Variants in GHR observed in about 807,000 individuals in gnomAD.
GHR encodes GH receptor.
A neutral mutation model predicts 67.1 loss-of-function variants in GHR; 35 were observed. The observed-to-expected ratio is 0.52, with a 90% CI of 0.40 to 0.69. The LOEUF is 0.69. GHR is among the 30% of genes least tolerant of loss of function. The pLI, the probability that GHR is intolerant of heterozygous loss-of-function variation, is 0.00. For synonymous variants in GHR, 272 were observed against 269.1 expected, an observed-to-expected ratio of 1.01 and a Z score of -0.10; for missense variants, 792 against 764.6, an observed-to-expected ratio of 1.04 and a Z score of -0.42.
chr5:42,506,651 A>G (rs1034459271), intron 1 of GHR, among the ~76,000 whole-genome samples: 11 of 152,216 alleles, frequency 7.2e-5, no homozygotes, highest in African/African-American at 2.7e-4. Context: ...TACCCAGTAC[A>G]TGAAAATATA....
At chr5:42,429,866 A>C (rs185907527) in intron 1 of GHR, among the ~76,000 whole-genome samples, 8 of 152,210 alleles carry the variant, frequency 5.3e-5, no homozygotes, top group African/African-American at 1.9e-4. Context: ...CATGAACATG[A>C]GTCAGTACTA....
At chr5:42,668,567 G>A (rs1046329447) in intron 3 of GHR, among the ~76,000 whole-genome samples, 12 of 151,926 alleles carry the variant, frequency 7.9e-5, no homozygotes, top group African/African-American at 1.7e-4. Context: ...CTGTCTTACC[G>A]CACTAATATA....
At chr5:42,622,683 A>T (rs77918486) in intron 2 of GHR, among the ~76,000 whole-genome samples, 1 of 152,120 alleles carries the variant, frequency 6.6e-6, no homozygotes, top group Admixed American at 6.6e-5. Context: ...TTGTGTTTGC[A>T]CTGTCTATTC....
chr5:42,460,708 G>T (rs1321731677), intron 1 of GHR, among the ~76,000 whole-genome samples: 20 of 152,156 alleles, frequency 1.3e-4, no homozygotes, highest in Non-Finnish European at 1.5e-5. Context: ...AGCAAAAAAA[G>T]AGTGTTTCCT....
intron 2 of GHR, among the ~76,000 whole-genome samples, chr5:42,578,208 A>G (rs554985309): frequency 1.8e-4 from 28 of 152,164 alleles, no homozygotes; most frequent in Middle Eastern, 3.2e-3. Flanking sequence ...AGACATTGCT[A>G]AGTGTTCTCT....
At chr5:42,516,363 G>C (rs1354087209) in intron 1 of GHR, among the ~76,000 whole-genome samples, 1 of 152,170 alleles carries the variant, frequency 6.6e-6, no homozygotes, top group Non-Finnish European at 1.5e-5. Flanking sequence ...TAAGCCAAAA[G>C]TCACATTAGA....
intron 3 of GHR, among the ~76,000 whole-genome samples, chr5:42,654,907 A>G (rs1755179984): frequency 6.6e-6 from 1 of 152,152 alleles, no homozygotes; most frequent in African/African-American, 2.4e-5. Context: ...GCAAGGCTCT[A>G]TAAGAAAAAG....
intron 3 of GHR, among the ~76,000 whole-genome samples, chr5:42,649,561 C>T (rs1251632292): frequency 6.6e-6 from 1 of 152,114 alleles, no homozygotes; most frequent in African/African-American, 2.4e-5. Context: ...CAGAATTAGA[C>T]ATAAAGCCAC....
At chr5:42,478,120 G>T (rs1745428885) in intron 1 of GHR, among the ~76,000 whole-genome samples, 1 of 152,144 alleles carries the variant, frequency 6.6e-6, no homozygotes, top group South Asian at 2.1e-4. Flanking sequence ...AGTATTCCCA[G>T]CACCATTTAT....
At chr5:42,471,532 G>C (rs1296725675) in intron 1 of GHR, among the ~76,000 whole-genome samples, 1 of 152,196 alleles carries the variant, frequency 6.6e-6, no homozygotes. Flanking sequence ...GCATAGCCTA[G>C]TGGTTAACAC....
At chr5:42,558,885 T>C (rs1351916245) in intron 1 of GHR, among the ~76,000 whole-genome samples, 1 of 152,220 alleles carries the variant, frequency 6.6e-6, no homozygotes. Context: ...AATTCAGCAG[T>C]TAAAAATATG....
At chr5:42,684,096 G>A (rs1471202837) in intron 3 of GHR, among the ~76,000 whole-genome samples, 1 of 151,926 alleles carries the variant, frequency 6.6e-6, no homozygotes, top group Non-Finnish European at 1.5e-5. Flanking sequence ...ATTGACATTT[G>A]TATTTGGTGT....
chr5:42,617,417 C>T (rs1229596723), intron 2 of GHR, among the ~76,000 whole-genome samples: 2 of 150,454 alleles, frequency 1.3e-5, no homozygotes, highest in Admixed American at 6.6e-5. Context: ...CACACACACA[C>T]ACACACACAG....
At chr5:42,683,851 G>A (rs1675483783) in intron 3 of GHR, among the ~76,000 whole-genome samples, 1 of 152,164 alleles carries the variant, frequency 6.6e-6, no homozygotes, top group South Asian at 2.1e-4. Flanking sequence ...TATTTACAAT[G>A]AGAAGGTAAT....
At chr5:42,565,569 G>C in intron 1 of GHR, 2 of 985,356 alleles carry the variant, frequency 2.0e-6, no homozygotes, top group African/African-American at 1.7e-5. Flanking sequence ...CTGTGCATGG[G>C]GGTCGTTTGC....
At chr5:42,514,455 C>A in intron 1 of GHR, 1 of 272,956 alleles carries the variant, frequency 3.7e-6, no homozygotes. Context: ...TGACCATATG[C>A]ATAAATGGTT....
At chr5:42,641,010 A>G (rs1456112567) in intron 3 of GHR, among the ~76,000 whole-genome samples, 1 of 152,162 alleles carries the variant, frequency 6.6e-6, no homozygotes, top group Admixed American at 6.5e-5. Context: ...GCAGGCACTC[A>G]AACAGAAAGG....
chr5:42,492,365 A>G (rs991822941), intron 1 of GHR, among the ~76,000 whole-genome samples: 16 of 152,292 alleles, frequency 1.1e-4, no homozygotes, highest in African/African-American at 3.8e-4. Flanking sequence ...AAATGTGGGG[A>G]AAGGACTGCT....
At chr5:42,449,472 G>A (rs1743955736) in intron 1 of GHR, among the ~76,000 whole-genome samples, 1 of 152,130 alleles carries the variant, frequency 6.6e-6, no homozygotes, top group Non-Finnish European at 1.5e-5. Flanking sequence ...CTACTGATTT[G>A]TGTACATTGA....
Sources: allele counts gnomAD v4.1 joint callset (sites outside exome capture counted in the v4.1 genomes callset), GRCh38; gene constraint gnomAD v4.1.1; transcripts MANE v1.5; gene names NCBI Gene and HGNC (gene_info 2026-07-23, HGNC 2026-07-21).